SEC23B: variants seen among roughly 807,000 people sequenced by gnomAD.
The protein encoded by SEC23B is protein transport protein Sec23B.
Under a neutral mutation model 104.3 loss-of-function variants are expected in SEC23B, and 77 were observed. The observed-to-expected ratio is 0.74, with a 90% CI of 0.61 to 0.89. The LOEUF (loss-of-function observed/expected upper bound fraction) is 0.89, where lower values mean the gene tolerates loss of function less well. SEC23B is among the 40% of genes least tolerant of loss of function. The pLI is 0.00. For synonymous variants in SEC23B, 338 were observed against 332.5 expected (o/e 1.02, Z -0.18); for missense variants, 885 against 949.4 (o/e 0.93, Z 0.89).
At position 18,542,301 on chromosome 20, in the gene SEC23B, C is replaced by G. The variant is rs2060294574; in HGVS notation, c.1410C>G (p.Asn470Lys). The change falls in exon 13 of 20, where the codon AAC (asparagine) becomes AAG (lysine). Residue 470 changes from asparagine (N) to lysine (K), a missense_variant. Transcript: ENST00000650089. Reference sequence around the variant, plus strand: ...TATGGCCTCTCATCCTACAGCACAACACCCCGATCCCCCAAGGAGGCAGAG... The same window carrying G: ...TATGGCCTCTCATCCTACAGCACAAGACCCCGATCCCCCAAGGAGGCAGAG... ...GIYFEVVNQH[N>K]TPIPQGGRGA... The G allele has an allele frequency of 2.7e-5, 44 of 1,613,988 alleles. No individual in the cohort carries two copies. Among genetic ancestry groups the G allele is most frequent in the Non-Finnish European group, 3.5e-5 (41 of 1,180,000 alleles).
intron 14 of SEC23B, among the ~76,000 whole-genome samples, chr20:18,543,438 T>C (rs1247033580): frequency 1.3e-5 from 2 of 152,090 alleles, no homozygotes; most frequent in African/African-American, 4.8e-5. Flanking sequence ...CTTAGATGAG[T>C]CATTTTGTGA....
chr20:18,539,538 T>A (rs560090455), intron 12 of SEC23B, among the ~76,000 whole-genome samples: 53 of 142,398 alleles, frequency 3.7e-4, no homozygotes, highest in Non-Finnish European at 6.8e-4. Context: ...AGAGATGGGG[T>A]CTCTCTTTGT....
At position 18,530,547 on chromosome 20, in the gene SEC23B, T is replaced by C. The variant is rs957178434; in HGVS notation, c.1110-133T>C. On this transcript the variant is annotated intron_variant, in intron 9 of 19. Coordinates refer to ENST00000650089, the MANE Select transcript of SEC23B (RefSeq NM_006363.6). ...ACTGTGCCTGGCCTGTTTTTTTATA[T>C]TTAAATTAATCAGTGGCTCTTTTGG... 3.3e-5 allele frequency: 34 copies of C among 1,044,452 alleles called. 1 individual carries two copies. Among genetic ancestry groups the C allele is most frequent in the Non-Finnish European group, 4.3e-5 (32 of 744,192 alleles). 64.7% of individuals were successfully genotyped at this position (1,044,452 alleles called of 1,614,324 possible). A position where few individuals can be genotyped will look rare whatever the true frequency, so the allele number is the denominator to read the frequency against.
intron 4 of SEC23B, among the ~76,000 whole-genome samples, chr20:18,523,254 A>G (rs1307788663): frequency 6.6e-6 from 1 of 151,192 alleles, no homozygotes; most frequent in Non-Finnish European, 1.5e-5. Flanking sequence ...ATGTGCTAAC[A>G]CTCCTGCTTG....
intron 4 of SEC23B, among the ~76,000 whole-genome samples, chr20:18,522,838 A>G (rs2060096320): frequency 6.6e-6 from 1 of 152,000 alleles, no homozygotes; most frequent in African/African-American, 2.4e-5. Context: ...CGGGGGGATC[A>G]CAAAGTCAGG....
chr20:18,537,020 A>G (rs1452006573), intron 12 of SEC23B, among the ~76,000 whole-genome samples: 1 of 152,220 alleles, frequency 6.6e-6, no homozygotes, highest in Non-Finnish European at 1.5e-5. Context: ...CAGAGGCAGA[A>G]GAAAATCCAC....
At chr20:18,522,362 G>A (rs752711245) in intron 4 of SEC23B, among the ~76,000 whole-genome samples, 24 of 152,206 alleles carry the variant, frequency 1.6e-4, no homozygotes, top group Admixed American at 1.5e-3. Context: ...TCCTGAGTCC[G>A]TGACCGGCGC....
chr20:18,534,126 T>G (rs1459813343), intron 11 of SEC23B, among the ~76,000 whole-genome samples: 1 of 152,192 alleles, frequency 6.6e-6, no homozygotes, highest in Non-Finnish European at 1.5e-5. Flanking sequence ...TTTATCTGAT[T>G]TTCATTTATT....
At chr20:18,527,930 T>A (rs974419704) in intron 9 of SEC23B, among the ~76,000 whole-genome samples, 36 of 152,146 alleles carry the variant, frequency 2.4e-4, no homozygotes, top group African/African-American at 8.2e-4. Context: ...GGCACTTCCT[T>A]TTGAGAATTG....
intron 19 of SEC23B, among the ~76,000 whole-genome samples, chr20:18,556,024 T>G (rs911996034): frequency 6.6e-6 from 1 of 151,738 alleles, no homozygotes; most frequent in Admixed American, 6.6e-5. Flanking sequence ...TAGATTCTCA[T>G]GAGGAGCATG....
chr20:18,515,769 G>A (rs1212122648), intron 4 of SEC23B, 33 bp downstream of exon 4: 2 of 1,237,656 alleles, frequency 1.6e-6, no homozygotes, highest in South Asian at 2.4e-5. Context: ...AATGAGCAAT[G>A]TTAAATACTG....
At chr20:18,557,483 T>C (rs745645073) in intron 19 of SEC23B, among the ~76,000 whole-genome samples, 3 of 152,124 alleles carry the variant, frequency 2.0e-5, no homozygotes, top group Non-Finnish European at 4.4e-5. Flanking sequence ...TATCACAGTC[T>C]ACTGGTGTTC....
chr20:18,543,293 A>G lies in SEC23B; in HGVS notation c.1665+121A>G. ...CAAGAATTTATCAGTTGCCTACCTTATGCTGCACGCTGGACATTCTGTTAA... is the reference window on the plus strand; with the variant it reads ...CAAGAATTTATCAGTTGCCTACCTTGTGCTGCACGCTGGACATTCTGTTAA... On this transcript the variant is annotated intron_variant, in intron 14 of 19. Transcript: ENST00000650089. 2.5e-6 allele frequency: 3 copies of G among 1,203,418 alleles called. No homozygotes were observed. In the Admixed American group the frequency reaches 5.5e-5, roughly 22 times the overall value. The allele number at this position is 1,203,418 out of a possible 1,614,324, so 74.5% of individuals were successfully genotyped here.
intron 19 of SEC23B, among the ~76,000 whole-genome samples, chr20:18,559,080 T>G (rs6081212): frequency 0.8 from 96,446 of 120,676 alleles, 36,398 homozygotes; most frequent in Non-Finnish European, 0.84. Context: ...AGGTGGTTGG[T>G]GGGGGGGGTG....
chr20:18,508,685 C>T (rs1483771464), intron 1 of SEC23B, among the ~76,000 whole-genome samples: 2 of 144,794 alleles, frequency 1.4e-5, no homozygotes, highest in Admixed American at 1.4e-4. Flanking sequence ...GCTGTACATG[C>T]TTGGAAACCA....
At chr20:18,538,249 C>CT (rs34866001) in intron 12 of SEC23B, among the ~76,000 whole-genome samples, 15,485 of 114,546 alleles carry the variant, frequency 0.14, 1,128 homozygotes, top group Admixed American at 0.19. Context: ...CTGGGAATTT[C>CT]TTTTTTTTTT....
At chr20:18,537,789 A>G (rs986036517) in intron 12 of SEC23B, among the ~76,000 whole-genome samples, 4 of 152,142 alleles carry the variant, frequency 2.6e-5, no homozygotes, top group Admixed American at 1.3e-4. Context: ...TCAAGGGTCA[A>G]CTATATTGCT....
At chr20:18,510,714 T>C in intron 1 of SEC23B, 108 bp from the exon 2 acceptor site, 1 of 869,422 alleles carries the variant, frequency 1.2e-6, no homozygotes, top group South Asian at 1.4e-5. Context: ...TGCAGTGAGC[T>C]GAGATGGGAA....
rs1183907921 is a variant in SEC23B at position 18,525,313 on chromosome 20, C to G, written c.689+293C>G. On this transcript the variant is annotated intron_variant, in intron 6 of 19. Transcript: ENST00000650089. ...AAACATACTTATGACCGGGTATTCA[C>G]TTGACTCAGCCCATTGAGTGCCTAG... Among the ~76,000 whole-genome samples the G allele has an allele frequency of 2.6e-5, 4 of 152,312 alleles. No individual in the cohort carries two copies. The East Asian group carries it at 7.7e-4, about 29-fold the overall frequency.
Sources: allele counts gnomAD v4.1 joint callset (sites outside exome capture counted in the v4.1 genomes callset), GRCh38; gene constraint gnomAD v4.1.1; transcripts MANE v1.5; gene names NCBI Gene and HGNC (gene_info 2026-07-23, HGNC 2026-07-21).